MAGI2: variants seen among roughly 807,000 people sequenced by gnomAD.
MAGI2 encodes membrane associated guanylate kinase, WW and PDZ domain containing 2.
Under a neutral mutation model 133.3 loss-of-function variants are expected in MAGI2, and 35 were observed. That is an observed-to-expected ratio of 0.26 (90% CI 0.20 to 0.35). The LOEUF is 0.35. MAGI2 is among the 10% of genes least tolerant of loss of function. The pLI is 1.00. For missense variants in MAGI2, 1,636 were observed against 1,863.4 expected, an observed-to-expected ratio of 0.88 and a Z score of 2.25; for synonymous variants, 729 against 710.6, an observed-to-expected ratio of 1.03 and a Z score of -0.41.
intron 9 of MAGI2, among the ~76,000 whole-genome samples, chr7:78,337,670 G>T (rs1473372413): frequency 6.6e-6 from 1 of 151,986 alleles, no homozygotes; most frequent in Non-Finnish European, 1.5e-5. Context: ...GTTAATTTTT[G>T]AGGTTCATTT....
intron 1 of MAGI2, among the ~76,000 whole-genome samples, chr7:79,092,537 A>C (rs1817157244): frequency 6.6e-6 from 1 of 152,196 alleles, no homozygotes; most frequent in African/African-American, 2.4e-5. Context: ...TACCAATGCT[A>C]TTTAGGCATC....
intron 20 of MAGI2, among the ~76,000 whole-genome samples, chr7:78,081,685 G>C (rs1815989918): frequency 6.6e-6 from 1 of 152,164 alleles, no homozygotes; most frequent in Non-Finnish European, 1.5e-5. Context: ...TACTGTTCAG[G>C]AGTTTAGGTT....
At chr7:78,900,237 T>C (rs1454882097) in intron 2 of MAGI2, among the ~76,000 whole-genome samples, 1 of 152,188 alleles carries the variant, frequency 6.6e-6, no homozygotes, top group Non-Finnish European at 1.5e-5. Context: ...GCCTCATATA[T>C]CTGACCTTCA....
chr7:79,390,376 A>G (rs1844514442), intron 1 of MAGI2, among the ~76,000 whole-genome samples: 1 of 152,238 alleles, frequency 6.6e-6, no homozygotes, highest in African/African-American at 2.4e-5. Flanking sequence ...TTAGAATTTT[A>G]TAGACAAAAT....
intron 1 of MAGI2, among the ~76,000 whole-genome samples, chr7:79,399,090 C>CTTTTTTTTTT (rs1337058211): frequency 3.9e-5 from 4 of 101,466 alleles, no homozygotes; most frequent in African/African-American, 2.0e-4. Flanking sequence ...TTTTTTTTTT[C>CTTTTTTTTTT]TTTTCTTTTT....
At chr7:78,835,672 C>T (rs1291564686) in intron 2 of MAGI2, among the ~76,000 whole-genome samples, 1 of 152,090 alleles carries the variant, frequency 6.6e-6, no homozygotes, top group African/African-American at 2.4e-5. Flanking sequence ...ACAGGGTTTG[C>T]TGTATCATTC....
intron 3 of MAGI2, among the ~76,000 whole-genome samples, chr7:78,529,787 G>A (rs961471395): frequency 2.8e-5 from 4 of 142,890 alleles, no homozygotes; most frequent in Non-Finnish European, 6.0e-5. Context: ...AAAGCACTGA[G>A]ATTACAGGCA....
At chr7:79,433,835 C>G (rs1174111083) in intron 1 of MAGI2, among the ~76,000 whole-genome samples, 1 of 152,076 alleles carries the variant, frequency 6.6e-6, no homozygotes, top group Admixed American at 6.5e-5. Flanking sequence ...TGTCTACCAA[C>G]CAAACACATC....
At chr7:78,938,176 C>A (rs1472538640) in intron 2 of MAGI2, among the ~76,000 whole-genome samples, 3 of 151,678 alleles carry the variant, frequency 2.0e-5, no homozygotes, top group Non-Finnish European at 4.4e-5. Flanking sequence ...GTTGAAAAAA[C>A]AAAATAGACT....
At chr7:78,717,150 C>G (rs1176973686) in intron 2 of MAGI2, among the ~76,000 whole-genome samples, 1 of 152,120 alleles carries the variant, frequency 6.6e-6, no homozygotes, top group Non-Finnish European at 1.5e-5. Flanking sequence ...AAGGAGGCTC[C>G]TGCGCTCGCT....
At chr7:79,452,789 G>A in intron 1 of MAGI2, 1 of 534,978 alleles carries the variant, frequency 1.9e-6, no homozygotes, top group Non-Finnish European at 3.3e-6. Flanking sequence ...CAAAGGGGAG[G>A]GTCTAACTGA....
At chr7:79,353,725 C>T (rs1306047713) in intron 1 of MAGI2, 3 of 275,868 alleles carry the variant, frequency 1.1e-5, no homozygotes, top group Non-Finnish European at 2.2e-5. Flanking sequence ...TGGGCTCTTC[C>T]TGATTAGTCT....
chr7:79,262,604 T>C (rs1187639645), intron 1 of MAGI2, among the ~76,000 whole-genome samples: 1 of 152,202 alleles, frequency 6.6e-6, no homozygotes, highest in Non-Finnish European at 1.5e-5. Flanking sequence ...CTGTCACTTT[T>C]TTGGCTGAAG....
At chr7:78,958,000 C>A (rs1156380845) in intron 2 of MAGI2, among the ~76,000 whole-genome samples, 1 of 152,110 alleles carries the variant, frequency 6.6e-6, no homozygotes, top group African/African-American at 2.4e-5. Context: ...CTGTAAGACC[C>A]CTGTTCTTTT....
intron 21 of MAGI2, among the ~76,000 whole-genome samples, chr7:78,047,353 C>CACAAATA (rs1811539404): frequency 6.6e-6 from 1 of 152,190 alleles, no homozygotes; most frequent in Non-Finnish European, 1.5e-5. Context: ...AGAATCATCT[C>CACAAATA]CTGGTGAGCC....
chr7:78,203,614 T>C (rs929764923), intron 10 of MAGI2, among the ~76,000 whole-genome samples: 2 of 152,176 alleles, frequency 1.3e-5, no homozygotes, highest in Non-Finnish European at 2.9e-5. Context: ...CTGCAGAAGC[T>C]TCAGTCTTTG....
chr7:78,440,722 A>G (rs1191589474), intron 6 of MAGI2, among the ~76,000 whole-genome samples: 1 of 152,034 alleles, frequency 6.6e-6, no homozygotes, highest in East Asian at 1.9e-4. Flanking sequence ...GAGGCCAGGG[A>G]GGGTAGATCA....
At chr7:78,543,463 G>C (rs1441456422) in intron 3 of MAGI2, among the ~76,000 whole-genome samples, 1 of 152,088 alleles carries the variant, frequency 6.6e-6, no homozygotes, top group East Asian at 1.9e-4. Flanking sequence ...TTTTAAAAAA[G>C]GTATATTGTT....
At chr7:78,713,593 G>A (rs1472792401) in intron 2 of MAGI2, among the ~76,000 whole-genome samples, 1 of 152,078 alleles carries the variant, frequency 6.6e-6, no homozygotes, top group Non-Finnish European at 1.5e-5. Context: ...AGGTCAAGAA[G>A]TCAAAATCCC....
Sources: allele counts gnomAD v4.1 joint callset (sites outside exome capture counted in the v4.1 genomes callset), GRCh38; gene constraint gnomAD v4.1.1; transcripts MANE v1.5; gene names NCBI Gene and HGNC (gene_info 2026-07-23, HGNC 2026-07-21).